The following SDK2 variants were observed in gnomAD, a reference collection of about 807,000 sequenced individuals.
The protein encoded by SDK2 is sidekick cell adhesion molecule 2.
A neutral mutation model predicts 253.9 loss-of-function variants in SDK2; 105 were observed. The ratio of observed to expected loss-of-function variants is 0.41; its 90% CI spans 0.35 to 0.49. The LOEUF (loss-of-function observed/expected upper bound fraction) is 0.49, where lower values mean the gene tolerates loss of function less well. Ranked by LOEUF, SDK2 falls within the 20% of genes least tolerant of loss-of-function variation. The pLI is 0.06. For synonymous variants in SDK2, 1,249 were observed against 1,234.9 expected (o/e 1.01, Z -0.24); for missense variants, 2,608 against 3,003.0 (o/e 0.87, Z 3.07).
At position 73,424,073 on chromosome 17, in the gene SDK2, C is replaced by T. The variant is rs762889028; in HGVS notation, c.1603G>A (p.Gly535Arg). The change falls in exon 13 of 45, where the codon GGG (glycine) becomes AGG (arginine). Residue 535 changes from glycine to arginine, a missense_variant. Transcript: ENST00000392650. ...VTIRYIWEKD[G>R]ATLGTESHPR... ...TGGCTCTCCGTGCCCAGGGTGGCCC[C>T]GTCCTTCTCCCAGATGTACCTAAAA... is the stretch of plus-strand genomic sequence containing the variant. 5.0e-5 allele frequency: 81 copies of T among 1,612,350 alleles called. No individual in the cohort carries two copies. In the South Asian group the frequency reaches 5.9e-4, roughly 12 times the overall value.
In SDK2 at chr17:73,398,313, TC is replaced by T. The variant is rs1568382179; in HGVS notation, c.3203+6del. On this transcript the variant is annotated splice_donor_region_variant and intron_variant, in intron 23 of 44. Coordinates refer to ENST00000392650, the MANE Select transcript of SDK2 (RefSeq NM_001144952.2). ...CTGCTGCCTTCTCCCCGGGCCAGTCTCATTACCTGTAGCAGGTGAAGGGGTT... is the reference window on the plus strand; with the variant it reads ...CTGCTGCCTTCTCCCCGGGCCAGTCTATTACCTGTAGCAGGTGAAGGGGTT... 1 of 1,613,108 alleles carries T rather than the reference TC, an allele frequency of 6.2e-7. No individual in the cohort carries two copies. Among genetic ancestry groups the T allele is most frequent in the East Asian group, 2.2e-5 (1 of 44,862 alleles).
chr17:73,532,370 A>T (rs1351894260), intron 1 of SDK2, among the ~76,000 whole-genome samples: 1 of 152,182 alleles, frequency 6.6e-6, no homozygotes, highest in Non-Finnish European at 1.5e-5. Flanking sequence ...TGCTGAGTGA[A>T]CATCCCCACA....
intron 15 of SDK2, among the ~76,000 whole-genome samples, chr17:73,420,997 C>T (rs2145582884): frequency 6.6e-6 from 1 of 152,324 alleles, no homozygotes; most frequent in Admixed American, 6.5e-5. Context: ...GGGCGGTTTG[C>T]ATGAAGGTAC....
At chr17:73,482,564 C>T (rs1289370585) in intron 2 of SDK2, among the ~76,000 whole-genome samples, 1 of 152,270 alleles carries the variant, frequency 6.6e-6, no homozygotes, top group Non-Finnish European at 1.5e-5. Flanking sequence ...CTGGGGGCCG[C>T]TATCCCGGTG....
At chr17:73,414,582 T>C in intron 18 of SDK2, 62 bp downstream of exon 18, 1 of 1,340,036 alleles carries the variant, frequency 7.5e-7, no homozygotes, top group Non-Finnish European at 1.1e-6. Context: ...CTCTGTCCCC[T>C]CTCCCCACCC....
intron 2 of SDK2, among the ~76,000 whole-genome samples, chr17:73,479,454 T>C (rs1387928345): frequency 1.3e-5 from 2 of 152,234 alleles, no homozygotes; most frequent in African/African-American, 4.8e-5. Context: ...GGTGGCCGGC[T>C]AGAAAAAGAC....
chr17:73,409,812 A>G (rs1161467838), intron 18 of SDK2, among the ~76,000 whole-genome samples: 2 of 144,168 alleles, frequency 1.4e-5, no homozygotes, highest in East Asian at 4.1e-4. Context: ...ATTAAAAATA[A>G]TACATTCTCT....
chr17:73,444,886 A>T (rs1190831418), intron 5 of SDK2, among the ~76,000 whole-genome samples: 1 of 152,142 alleles, frequency 6.6e-6, no homozygotes, highest in Admixed American at 6.5e-5. Flanking sequence ...TGTGACCTGA[A>T]CCACCCAATG....
intron 19 of SDK2, 36 bp downstream of exon 19, chr17:73,401,910 G>GC (rs1018642143): frequency 2.0e-5 from 30 of 1,496,174 alleles, no homozygotes; most frequent in Non-Finnish European, 2.6e-5. Flanking sequence ...CCTTGGGCGG[G>GC]GGGGGGCAGA....
At chr17:73,454,648 C>T (rs2063510560) in intron 4 of SDK2, among the ~76,000 whole-genome samples, 1 of 152,166 alleles carries the variant, frequency 6.6e-6, no homozygotes, top group East Asian at 1.9e-4. Context: ...TAGCTCAGTC[C>T]TCAGGACATA....
intron 1 of SDK2, among the ~76,000 whole-genome samples, chr17:73,573,733 C>G (rs532048526): frequency 6.6e-6 from 1 of 152,330 alleles, no homozygotes; most frequent in South Asian, 2.1e-4. Flanking sequence ...TGATTTAATG[C>G]ATAAATTGGA....
intron 1 of SDK2, among the ~76,000 whole-genome samples, chr17:73,557,136 A>G (rs2045155452): frequency 6.6e-6 from 1 of 152,222 alleles, no homozygotes; most frequent in Non-Finnish European, 1.5e-5. Flanking sequence ...CCTTATCTAT[A>G]CAATGGGAAT....
At chr17:73,487,080 C>T (rs915264108) in intron 2 of SDK2, among the ~76,000 whole-genome samples, 15 of 152,182 alleles carry the variant, frequency 9.9e-5, no homozygotes, top group African/African-American at 1.4e-4. Context: ...ACTACAGGCA[C>T]GCACCACCAT....
chr17:73,590,309 G>A (rs1407057849), intron 1 of SDK2, among the ~76,000 whole-genome samples: 1 of 152,202 alleles, frequency 6.6e-6, no homozygotes, highest in African/African-American at 2.4e-5. Context: ...CATGAGACTT[G>A]ACAGGACCTG....
intron 40 of SDK2, 150 bp downstream of exon 40, chr17:73,357,929 C>A: frequency 3.3e-6 from 4 of 1,225,752 alleles, no homozygotes; most frequent in Non-Finnish European, 3.6e-6. Flanking sequence ...AACCCAGTTT[C>A]CCACTCCTCA....
rs917351613 is a variant in SDK2 at position 73,435,600 on chromosome 17, C to T, written c.1045G>A (p.Val349Met). The change falls in exon 9 of 45, where the codon GTG (valine) becomes ATG (methionine). Residue 349 changes from valine to methionine, a missense_variant. This residue lies in a region of SDK2 where 1,505 missense variants were observed against 1,859.1 expected (regional missense o/e 0.81). Coordinates refer to ENST00000392650, the MANE Select transcript of SDK2 (RefSeq NM_001144952.2). The surrounding 1 kb of genome is among the most constrained non-coding windows in gnomAD (Gnocchi z 5.7). Reference protein sequence around the residue: ...SITWYKDAAVVEVEKLTRFRQ... With the variant: ...SITWYKDAAVMEVEKLTRFRQ... The stretch of plus-strand genomic sequence containing the variant: ...AAGCGGGTCAACTTCTCCACCTCCA[C>T]CACGGCTGCGTCCTTGTACCAGGTG... The T allele has an allele frequency of 3.2e-6, 5 of 1,577,302 alleles. No individual in the cohort carries two copies. The African/African-American group carries it at 4.1e-5, about 13-fold the overall frequency.
At chr17:73,507,723 G>T (rs1405551084) in intron 1 of SDK2, 126 bp from the exon 2 acceptor site, 2 of 1,013,568 alleles carry the variant, frequency 2.0e-6, no homozygotes, top group East Asian at 2.7e-5. Context: ...CCAAGGTCCC[G>T]TGGCTGGGAG....
At chr17:73,428,167 C>G (rs2063297758) in intron 12 of SDK2, among the ~76,000 whole-genome samples, 1 of 152,126 alleles carries the variant, frequency 6.6e-6, no homozygotes, top group African/African-American at 2.4e-5. Context: ...TTAGAATGGC[C>G]AAAATCCAGC....
intron 44 of SDK2, among the ~76,000 whole-genome samples, chr17:73,340,923 T>A (rs1323822793): frequency 6.6e-6 from 1 of 151,844 alleles, no homozygotes; most frequent in Non-Finnish European, 1.5e-5. Flanking sequence ...TTTGTATTTT[T>A]AGTAGAGATG....
Sources: gnomAD v4.1 joint callset for allele counts (sites outside exome capture counted in the v4.1 genomes callset) on GRCh38, gnomAD v4.1.1 for gene constraint, gnomAD v4.1.1 regional missense constraint, Gnocchi (gnomAD v3.1) non-coding constraint, MANE v1.5 for transcripts, NCBI Gene and HGNC (gene_info 2026-07-23, HGNC 2026-07-21) for gene names.